Variants in GMPS observed in about 807,000 individuals in gnomAD.
GMPS encodes guanosine monophosphate synthase.
Under a neutral mutation model 77.9 loss-of-function variants are expected in GMPS, and 15 were observed. That is an observed-to-expected ratio of 0.19 (90% CI 0.13 to 0.30). The LOEUF (loss-of-function observed/expected upper bound fraction) is 0.30, where lower values mean the gene tolerates loss of function less well. GMPS is among the 10% of genes least tolerant of loss of function. The pLI is 1.00. For synonymous variants in GMPS, 224 were observed against 275.9 expected (o/e 0.81, Z 1.86); for missense variants, 590 against 838.8 (o/e 0.70, Z 3.66).
intron 1 of GMPS, among the ~76,000 whole-genome samples, chr3:155,880,058 A>G (rs940693340): frequency 3.9e-5 from 6 of 151,910 alleles, no homozygotes; most frequent in South Asian, 2.1e-4. Flanking sequence ...TGTTCTTTGA[A>G]GCACCAAAAC....
intron 12 of GMPS, 73 bp downstream of exon 12, chr3:155,925,439 G>A (rs888118304): frequency 7.3e-6 from 9 of 1,236,196 alleles, no homozygotes; most frequent in Admixed American, 7.1e-5. Flanking sequence ...GAGTCTCACT[G>A]TGTTGCCCAG....
At chr3:155,878,936 G>A (rs1754132053) in intron 1 of GMPS, among the ~76,000 whole-genome samples, 1 of 152,116 alleles carries the variant, frequency 6.6e-6, no homozygotes, top group African/African-American at 2.4e-5. Context: ...GGCTGCTGGT[G>A]CAAGTCCTGG....
intron 13 of GMPS, among the ~76,000 whole-genome samples, chr3:155,932,272 AAAGTAACAC>A (rs968265860): frequency 7.0e-6 from 1 of 142,904 alleles, no homozygotes; most frequent in African/African-American, 2.7e-5. Flanking sequence ...AATTACAAAT[AAAGTAACAC>A]ACACACACAC....
chr3:155,887,136 A>G (rs1289998412), intron 1 of GMPS, among the ~76,000 whole-genome samples: 1 of 152,170 alleles, frequency 6.6e-6, no homozygotes, highest in Non-Finnish European at 1.5e-5. Context: ...ACCACTCTGG[A>G]GCAATAGAGA....
intron 2 of GMPS, 74 bp from the exon 3 acceptor site, chr3:155,897,853 T>C: frequency 1.3e-6 from 1 of 791,466 alleles, no homozygotes; most frequent in Non-Finnish European, 2.2e-6. Context: ...CCCTCAGTGG[T>C]ACAAGGGAGA....
chr3:155,916,855 A>G lies in GMPS; in HGVS notation c.1212+663A>G, dbSNP rs115566258. Among the ~76,000 whole-genome samples the G allele has an allele frequency of 6.5e-3, 996 of 152,310 alleles. 8 individuals are homozygous for G. Among genetic ancestry groups the G allele is most frequent in the African/African-American group, 0.021 (891 of 41,558 alleles). On this transcript the variant is annotated intron_variant, in intron 9 of 15. Transcript: ENST00000496455. ...AACTATTATTTAAAATGATGATACA[A>G]TTTTACATTCGCACTAGCAATCTAT... is the stretch of plus-strand genomic sequence containing the variant.
At chr3:155,910,621 T>A in intron 5 of GMPS, 71 bp from the exon 6 acceptor site, 2 of 660,284 alleles carry the variant, frequency 3.0e-6, no homozygotes, top group Non-Finnish European at 2.4e-6. Context: ...TTGTGAGAAA[T>A]TAATTGTGGT....
At chr3:155,912,179 G>A (rs543174808) in intron 7 of GMPS, among the ~76,000 whole-genome samples, 4 of 152,306 alleles carry the variant, frequency 2.6e-5, no homozygotes, top group South Asian at 2.1e-4. Context: ...ATAAAATGAA[G>A]ACTTGTAGGT....
At chr3:155,876,963 T>G (rs1401528155) in intron 1 of GMPS, among the ~76,000 whole-genome samples, 1 of 152,232 alleles carries the variant, frequency 6.6e-6, no homozygotes, top group African/African-American at 2.4e-5. Flanking sequence ...TGCCTGGACA[T>G]GTGAAGTTTT....
In GMPS at chr3:155,942,258, T is replaced by A. The variant is rs1390221078; in HGVS notation, c.*4566T>A. 2 of 182,800 alleles carry A rather than the reference T, an allele frequency of 1.1e-5. No individual in the cohort carries two copies. The highest frequency in any genetic ancestry group is 2.3e-5 in the Non-Finnish European group (2 of 86,044). The allele number at this position is 182,800 out of a possible 1,614,324, so 11.3% of individuals were successfully genotyped here. A position where few individuals can be genotyped will look rare whatever the true frequency, so the allele number is the denominator to read the frequency against. ...CCCGCCACTACGCCCGGCTAATTTTTTTGTACTTTTTAGTAGAGACAGGGT... is the reference window on the plus strand; with the variant it reads ...CCCGCCACTACGCCCGGCTAATTTTATTGTACTTTTTAGTAGAGACAGGGT... On this transcript the variant is annotated 3_prime_UTR_variant, in exon 16 of 16. Transcript: ENST00000496455.
intron 12 of GMPS, among the ~76,000 whole-genome samples, chr3:155,928,798 GTTC>G (rs199711914): frequency 6.1e-4 from 91 of 148,262 alleles, no homozygotes; most frequent in East Asian, 6.1e-3. Flanking sequence ...TTGGTTTTTT[GTTC>G]TTGCGATAGT....
rs139885391 is a variant in GMPS at position 155,885,955 on chromosome 3, G to A, written c.28-7563G>A. On this transcript the variant is annotated intron_variant, in intron 1 of 15. Coordinates refer to ENST00000496455, the MANE Select transcript of GMPS (RefSeq NM_003875.3). ...AGTGCCTCAGCCTCCGGTGTAGCTG[G>A]GATTACAGACATGTGCTACCATGCC... 4.3e-3 allele frequency among the ~76,000 whole-genome samples: 654 copies of A among 152,094 alleles called. 3 individuals are homozygous for A. The highest frequency in any genetic ancestry group is 0.041 in the Middle Eastern group (12 of 294).
chr3:155,893,593 G>T lies in GMPS; in HGVS notation c.103G>T (p.Ala35Ser). The change falls in exon 2 of 16, where the codon GCT becomes TCT. Residue 35 changes from alanine to serine, a missense_variant. By Grantham distance (99) the Ala-to-Ser change is moderately conservative. Transcript: ENST00000496455. ...EGAVVILDAG[A>S]QYGKVIDRRV... is the part of the protein sequence containing the mutation. ...AGCTGTTGTCATTCTGGATGCTGGT[G>T]CTCAGTACGGGAAAGTCATAGACCG... 6.2e-7 allele frequency: 1 copy of T among 1,612,322 alleles called. No individual in the cohort carries two copies. Among genetic ancestry groups the T allele is most frequent in the Non-Finnish European group, 8.5e-7 (1 of 1,178,398 alleles).
At chr3:155,933,246 T>C (rs958217657) in intron 13 of GMPS, among the ~76,000 whole-genome samples, 5 of 152,112 alleles carry the variant, frequency 3.3e-5, no homozygotes, top group African/African-American at 9.7e-5. Context: ...ATTTATTTGC[T>C]GGGGTCTTTT....
chr3:155,914,551 T>C lies in GMPS; in HGVS notation c.1019T>C (p.Ile340Thr), dbSNP rs898578201. 5.7e-6 allele frequency: 9 copies of C among 1,582,190 alleles called. No homozygotes were observed. Among genetic ancestry groups the C allele is most frequent in the Non-Finnish European group, 7.7e-6 (9 of 1,168,370 alleles). ...TTSPEEKRKI[I>T]GDTFVKIANE... ...AGTCCTGAAGAGAAAAGAAAAATCATTGGGGATACTTTTGTTAAGGTACCT... is the reference window on the plus strand; with the variant it reads ...AGTCCTGAAGAGAAAAGAAAAATCACTGGGGATACTTTTGTTAAGGTACCT... Residue 340 changes from isoleucine to threonine, a missense_variant, in exon 8 of 16, where the codon ATT becomes ACT. Around this residue, in one of 6 missense-constraint regions of GMPS, gnomAD observed 181 missense variants for 186.8 expected, o/e 0.97. Coordinates refer to ENST00000496455, the MANE Select transcript of GMPS (RefSeq NM_003875.3).
chr3:155,875,541 C>G (rs755186187), intron 1 of GMPS, among the ~76,000 whole-genome samples: 1 of 152,206 alleles, frequency 6.6e-6, no homozygotes, highest in African/African-American at 2.4e-5. Context: ...TGGCCTTAAA[C>G]TTTGTTTTTA....
intron 1 of GMPS, among the ~76,000 whole-genome samples, chr3:155,877,340 A>G (rs1275282986): frequency 1.3e-5 from 2 of 152,202 alleles, no homozygotes; most frequent in Non-Finnish European, 2.9e-5. Context: ...TCTACCATTT[A>G]CTTTTCCTAA....
chr3:155,893,774 G>T, intron 2 of GMPS, 75 bp downstream of exon 2: 2 of 743,774 alleles, frequency 2.7e-6, no homozygotes, highest in Non-Finnish European at 4.0e-6. Context: ...ATTTTCTTGA[G>T]CACTGAATTT....
intron 5 of GMPS, among the ~76,000 whole-genome samples, chr3:155,909,770 C>T (rs1176343504): frequency 1.3e-5 from 2 of 150,814 alleles, no homozygotes; most frequent in Admixed American, 1.3e-4. Flanking sequence ...GATAAAACCC[C>T]ATCTCTTCAA....
Sources: allele counts gnomAD v4.1 joint callset (sites outside exome capture counted in the v4.1 genomes callset), GRCh38; gene constraint gnomAD v4.1.1; regional missense constraint gnomAD v4.1.1; transcripts MANE v1.5; gene names NCBI Gene and HGNC (gene_info 2026-07-23, HGNC 2026-07-21).